Variants in TUBGCP5 observed in about 807,000 individuals in gnomAD.
The protein encoded by TUBGCP5 is tubulin gamma complex component 5, also known as gamma-tubulin complex component 5.
TUBGCP5 carries 98 observed loss-of-function variants against 134.7 expected under a neutral mutation model. The observed-to-expected ratio is 0.73, with a 90% CI of 0.62 to 0.86. TUBGCP5 has a LOEUF of 0.86. Among genes scored for constraint, TUBGCP5 ranks in the 40% least tolerant of loss-of-function variants. The pLI is 0.00. For missense variants in TUBGCP5, 1,150 were observed against 1,244.8 expected (o/e 0.92, Z 1.15); for synonymous variants, 456 against 431.4 (o/e 1.06, Z -0.71).
At position 23,023,959 on chromosome 15, in the gene TUBGCP5, T is replaced by C. The variant is rs748514697; in HGVS notation, c.1156A>G (p.Ile386Val). 3.1e-6 allele frequency: 5 copies of C among 1,613,960 alleles called. No individual in the cohort carries two copies. Among genetic ancestry groups the C allele is most frequent in the Admixed American group, 1.7e-5 (1 of 59,996 alleles). The change falls in exon 10 of 23, where the codon ATC becomes GTC. Residue 386 changes from isoleucine to valine, a missense_variant. Coordinates refer to ENST00000615383, the MANE Select transcript of TUBGCP5 (RefSeq NM_052903.6). ...GAACATTTAATACCATTATTGATGATGCACTTCTCAATTTCTGCAAGTTCC... is the reference window on the plus strand; with the variant it reads ...GAACATTTAATACCATTATTGATGACGCACTTCTCAATTTCTGCAAGTTCC... Reference protein sequence around the residue: ...KEELAEIEKCIINNDTTITLA... With the variant: ...KEELAEIEKCVINNDTTITLA...
intron 16 of TUBGCP5, among the ~76,000 whole-genome samples, chr15:23,007,046 AAAT>A (rs2064758176): frequency 6.6e-6 from 1 of 152,176 alleles, no homozygotes; most frequent in Non-Finnish European, 1.5e-5. Context: ...GTTAACTTCC[AAAT>A]CAGAGATGTC....
At chr15:23,019,420 T>TA in intron 11 of TUBGCP5, 86 bp from the exon 12 acceptor site, 1 of 814,180 alleles carries the variant, frequency 1.2e-6, no homozygotes, top group Non-Finnish European at 2.0e-6. Context: ...GAAATGCCTT[T>TA]AAAAAAGTGA....
chr15:22,987,895 CAAAAA>C (rs869168765), intron 23 of TUBGCP5, among the ~76,000 whole-genome samples: 82 of 20,484 alleles, frequency 4.0e-3, no homozygotes, highest in African/African-American at 0.013. Context: ...GACTCCATCT[CAAAAA>C]AAAAAAAAAA....
At position 23,005,518 on chromosome 15, in the gene TUBGCP5, C is replaced by A; in HGVS notation, c.2626G>T (p.Val876Leu). 1 of 1,614,194 alleles carries A rather than the reference C, an allele frequency of 6.2e-7. No homozygotes were observed. Among genetic ancestry groups the A allele is most frequent in the Non-Finnish European group, 8.5e-7 (1 of 1,180,040 alleles). Reference sequence around the variant, plus strand: ...AACATGCGATGAATCTGCTGTCTTACTGGTTCTTTTTGTGGTCCGAACTGA... The same window carrying A: ...AACATGCGATGAATCTGCTGTCTTAATGGTTCTTTTTGTGGTCCGAACTGA... The part of the protein sequence containing the change: ...VAQFGPQKEP[V>L]RQQIHRMFLL... The change falls in exon 19 of 23, where the codon GTA becomes TTA. Residue 876 changes from valine (V) to leucine (L), a missense_variant. By Grantham distance (32) the Val-to-Leu change is conservative (BLOSUM62 1). Transcript: ENST00000615383.
chr15:22,987,523 A>T (rs531208944), intron 23 of TUBGCP5, among the ~76,000 whole-genome samples: 1 of 151,954 alleles, frequency 6.6e-6, no homozygotes, highest in Non-Finnish European at 1.5e-5. Flanking sequence ...AGATGATGGC[A>T]TTAGGAGGTG....
chr15:23,029,239 G>T (rs1595896908), intron 6 of TUBGCP5, among the ~76,000 whole-genome samples: 2 of 151,910 alleles, frequency 1.3e-5, no homozygotes, highest in African/African-American at 4.8e-5. Flanking sequence ...TATTTTTTTT[G>T]AGATAAAGTT....
intron 16 of TUBGCP5, 109 bp from the exon 17 acceptor site, chr15:23,006,461 C>G: frequency 1.4e-6 from 1 of 735,554 alleles, no homozygotes; most frequent in Non-Finnish European, 2.2e-6. Context: ...AAAGATACTG[C>G]ATTTCATAAA....
In TUBGCP5 at chr15:23,030,868, C is replaced by T. The variant is rs755676224; in HGVS notation, c.622+17G>A. On this transcript the variant is annotated intron_variant, in intron 6 of 22. Transcript: ENST00000615383. ...TTTGTCTATTAGAAAATGCGAGCAC[C>T]TCATAACACATAATACCTTTCCAAC... The T allele has an allele frequency of 6.8e-6, 11 of 1,607,598 alleles. No individual in the cohort carries two copies. Among genetic ancestry groups the T allele is most frequent in the Middle Eastern group, 3.3e-4 (2 of 6,058 alleles).
rs868187430 is a variant in TUBGCP5 at position 23,013,465 on chromosome 15, G to A, written c.1757-2134C>T. On this transcript the variant is annotated intron_variant, in intron 13 of 22. Coordinates refer to ENST00000615383, the MANE Select transcript of TUBGCP5 (RefSeq NM_052903.6). The surrounding 1 kb of genome is among the most constrained non-coding windows in gnomAD (Gnocchi z 4.5). The stretch of plus-strand genomic sequence containing the variant: ...CGTCTCAAAAAAAAAAGATCCGACT[G>A]GAGTTGAAGGGCGAGTGCTGGAGTG... 6.6e-6 allele frequency among the ~76,000 whole-genome samples: 1 copy of A among 152,174 alleles called. No individual in the cohort carries two copies. Among genetic ancestry groups the A allele is most frequent in the Non-Finnish European group, 1.5e-5 (1 of 67,980 alleles).
intron 15 of TUBGCP5, among the ~76,000 whole-genome samples, chr15:23,009,491 A>G (rs993292684): frequency 6.6e-6 from 1 of 151,912 alleles, no homozygotes; most frequent in Admixed American, 6.6e-5. Context: ...GATGCTCTCG[A>G]TCTCCTGATC....
chr15:23,017,318 T>C (rs908999761), intron 13 of TUBGCP5, among the ~76,000 whole-genome samples: 1 of 152,084 alleles, frequency 6.6e-6, no homozygotes, highest in Non-Finnish European at 1.5e-5. Context: ...AAGAAGAGGA[T>C]ACTGAATGTC....
At chr15:23,026,089 A>C (rs773856999) in intron 8 of TUBGCP5, 27 bp downstream of exon 8, 1 of 1,563,130 alleles carries the variant, frequency 6.4e-7, no homozygotes, top group Non-Finnish European at 8.7e-7. Context: ...TCTCATAAAG[A>C]CTATTAATTA....
At chr15:22,991,129 C>T (rs1170411461) in intron 23 of TUBGCP5, among the ~76,000 whole-genome samples, 2 of 150,828 alleles carry the variant, frequency 1.3e-5, no homozygotes, top group East Asian at 3.9e-4. Flanking sequence ...GACGGAGTCT[C>T]GCGCGCTCAC....
chr15:23,029,060 AAATG>A (rs752134130), intron 6 of TUBGCP5, among the ~76,000 whole-genome samples: 55 of 152,172 alleles, frequency 3.6e-4, no homozygotes, highest in Non-Finnish European at 7.3e-4. Context: ...AGAAATTAAC[AAATG>A]AACACTCAAG....
chr15:22,986,748 A>AG, intron 23 of TUBGCP5, among the ~76,000 whole-genome samples: 1 of 138,586 alleles, frequency 7.2e-6, no homozygotes, highest in East Asian at 1.9e-4. Context: ...AAAAAAAAAA[A>AG]AAGAAAGAAA....
chr15:22,992,271 C>T (rs1337587706), intron 23 of TUBGCP5, among the ~76,000 whole-genome samples: 1 of 152,174 alleles, frequency 6.6e-6, no homozygotes, highest in Non-Finnish European at 1.5e-5. Context: ...AGCACCTCCA[C>T]ACCACCAAGG....
At chr15:23,000,993 TAAAG>T (rs1178802391) in intron 21 of TUBGCP5, among the ~76,000 whole-genome samples, 8 of 152,298 alleles carry the variant, frequency 5.3e-5, no homozygotes, top group African/African-American at 9.6e-5. Context: ...CTCTTTGAAA[TAAAG>T]AACACATTAA....
At chr15:23,021,401 C>G (rs1395364066) in intron 11 of TUBGCP5, among the ~76,000 whole-genome samples, 1 of 152,176 alleles carries the variant, frequency 6.6e-6, no homozygotes, top group Non-Finnish European at 1.5e-5. Context: ...AGGCAAGTCT[C>G]AAACTCCTGG....
chr15:23,024,402 A>G lies in TUBGCP5; in HGVS notation c.922-209T>C. 7.4e-6 allele frequency: 4 copies of G among 539,788 alleles called. No homozygotes were observed. In the East Asian group the frequency reaches 1.0e-4, roughly 13 times the overall value. 33.4% of individuals were successfully genotyped at this position (539,788 alleles called of 1,614,324 possible). On this transcript the variant is annotated intron_variant, in intron 9 of 22. Coordinates refer to ENST00000615383, the MANE Select transcript of TUBGCP5 (RefSeq NM_052903.6). ...TCAACAGACTAGAGAATTATGGCTT[A>G]TATTTTTAAAAACATACATAAGTAA...
Sources: gnomAD v4.1 joint callset for allele counts (sites outside exome capture counted in the v4.1 genomes callset) on GRCh38, gnomAD v4.1.1 for gene constraint, Gnocchi (gnomAD v3.1) non-coding constraint, MANE v1.5 for transcripts, NCBI Gene and HGNC (gene_info 2026-07-23, HGNC 2026-07-21) for gene names.